PGM1: variants seen among roughly 807,000 people sequenced by gnomAD.
The protein encoded by PGM1 is phosphoglucomutase 1, also known as phosphoglucomutase-1.
In PGM1, 52 loss-of-function variants were observed where a neutral mutation model predicts 55.6. That is an observed-to-expected ratio of 0.94 (90% CI 0.75 to 1.18). PGM1 has a LOEUF of 1.18. Among genes scored for constraint, PGM1 ranks in the 50% most tolerant of loss-of-function variants. The pLI is 0.00. For synonymous variants in PGM1, 287 were observed against 271.7 expected (o/e 1.06, Z -0.55); for missense variants, 724 against 729.3 (o/e 0.99, Z 0.08).
At chr1:63,638,285 G>T (rs1364018895) in intron 6 of PGM1, among the ~76,000 whole-genome samples, 4 of 152,134 alleles carry the variant, frequency 2.6e-5, no homozygotes, top group Non-Finnish European at 5.9e-5. Flanking sequence ...AATGCTAACT[G>T]CCCAGACCCA....
At chr1:63,647,059 A>G (rs185633445) in intron 7 of PGM1, among the ~76,000 whole-genome samples, 104 of 151,894 alleles carry the variant, frequency 6.8e-4, no homozygotes, top group African/African-American at 2.4e-3. Context: ...CCTGGCCAAC[A>G]TGGCGAAACC....
rs369296392 is a variant in PGM1, at chr1:63,593,561, C to T, written c.73C>T (p.Arg25Trp). Residue 25 changes from arginine to tryptophan, a missense_variant, in exon 1 of 11, where the codon CGG (arginine) becomes TGG (tryptophan). Physicochemically the swap from Arg to Trp is moderately radical, Grantham distance 101. Coordinates refer to ENST00000371084, the MANE Select transcript of PGM1 (RefSeq NM_002633.3). The part of the protein sequence containing the change: ...QKPGTSGLRK[R>W]VKVFQSSANY... ...GCCGGGCACGAGCGGGCTGCGGAAG[C>T]GGGTGAAGGTGTTCCAGAGCAGCGC... 2.5e-6 allele frequency: 4 copies of T among 1,613,848 alleles called. No homozygotes were observed. The highest frequency in any genetic ancestry group is 3.4e-6 in the Non-Finnish European group (4 of 1,179,920).
chr1:63,657,017 G>T (rs181123629), intron 10 of PGM1, among the ~76,000 whole-genome samples: 1 of 152,136 alleles, frequency 6.6e-6, no homozygotes, highest in East Asian at 1.9e-4. Context: ...TGACAAGATT[G>T]ATAATGTTAG....
intron 1 of PGM1, chr1:63,623,195 G>A (rs1220606276): frequency 1.6e-6 from 2 of 1,277,614 alleles, no homozygotes; most frequent in Non-Finnish European, 2.0e-6. Flanking sequence ...GCTTGGTTAA[G>A]TGGGCAGAAG....
intron 10 of PGM1, among the ~76,000 whole-genome samples, chr1:63,659,166 A>G (rs566690723): frequency 4.6e-5 from 7 of 152,336 alleles, no homozygotes; most frequent in Admixed American, 2.0e-4. Flanking sequence ...AGTGTGGGAA[A>G]GAAATTGGAA....
At chr1:63,612,554 C>T (rs1036332583) in intron 1 of PGM1, among the ~76,000 whole-genome samples, 3 of 152,152 alleles carry the variant, frequency 2.0e-5, no homozygotes, top group Non-Finnish European at 2.9e-5. Flanking sequence ...CTTTTTCTCG[C>T]TTGCATTCAT....
At chr1:63,623,675 G>T (rs1648945961) in intron 1 of PGM1, 1 of 1,612,546 alleles carries the variant, frequency 6.2e-7, no homozygotes, top group African/African-American at 1.3e-5. Context: ...GATCGCCAGG[G>T]ATCATCACTG....
chr1:63,633,602 T>C (rs1021260746), intron 4 of PGM1, among the ~76,000 whole-genome samples: 2 of 152,174 alleles, frequency 1.3e-5, no homozygotes, highest in Admixed American at 6.5e-5. Flanking sequence ...TTGGTAGTTA[T>C]ATAAAATGTC....
At chr1:63,631,170 C>G (rs759906982) in intron 3 of PGM1, among the ~76,000 whole-genome samples, 17 of 152,022 alleles carry the variant, frequency 1.1e-4, no homozygotes, top group Non-Finnish European at 1.9e-4. Context: ...AAAAGTGATT[C>G]ATTAAAAAAT....
intron 3 of PGM1, 114 bp from the exon 4 acceptor site, chr1:63,631,543 T>C (rs1649193441): frequency 2.1e-6 from 2 of 958,436 alleles, no homozygotes; most frequent in Non-Finnish European, 3.4e-6. Flanking sequence ...AGCTGTTCAA[T>C]AATTGTCCTT....
At chr1:63,639,581 C>A (rs758180336) in intron 7 of PGM1, among the ~76,000 whole-genome samples, 10 of 152,000 alleles carry the variant, frequency 6.6e-5, no homozygotes, top group Non-Finnish European at 1.2e-4. Context: ...TATCAGTCTC[C>A]GGCCAGGTTA....
At chr1:63,601,806 G>A (rs1648251513) in intron 1 of PGM1, among the ~76,000 whole-genome samples, 1 of 152,170 alleles carries the variant, frequency 6.6e-6, no homozygotes, top group African/African-American at 2.4e-5. Flanking sequence ...TCAGCTGTTG[G>A]AAGTCCTCCT....
intron 1 of PGM1, among the ~76,000 whole-genome samples, chr1:63,622,104 A>C (rs904497435): frequency 6.6e-6 from 1 of 152,190 alleles, no homozygotes; most frequent in African/African-American, 2.4e-5. Flanking sequence ...AGCTCACTGC[A>C]ATCTCAGCCT....
At chr1:63,619,158 A>C (rs1220557367) in intron 1 of PGM1, among the ~76,000 whole-genome samples, 1 of 152,176 alleles carries the variant, frequency 6.6e-6, no homozygotes, top group Non-Finnish European at 1.5e-5. Context: ...GAGAGAAAAC[A>C]TGAGTGGTCC....
At chr1:63,616,057 G>A (rs941623956) in intron 1 of PGM1, among the ~76,000 whole-genome samples, 9 of 151,790 alleles carry the variant, frequency 5.9e-5, no homozygotes, top group African/African-American at 1.9e-4. Flanking sequence ...AAAATAAAGC[G>A]ATTCCTTAAC....
intron 3 of PGM1, 129 bp downstream of exon 3, chr1:63,630,217 G>T: frequency 1.0e-6 from 1 of 976,434 alleles, no homozygotes; most frequent in Non-Finnish European, 1.6e-6. Flanking sequence ...CTTTGCAAGT[G>T]TTAGTTAATT....
intron 10 of PGM1, among the ~76,000 whole-genome samples, chr1:63,657,016 T>A (rs1649986461): frequency 6.6e-6 from 1 of 152,196 alleles, no homozygotes; most frequent in Non-Finnish European, 1.5e-5. Flanking sequence ...GTGACAAGAT[T>A]GATAATGTTA....
intron 1 of PGM1, among the ~76,000 whole-genome samples, chr1:63,626,893 C>A (rs2269255): frequency 0.17 from 25,694 of 152,004 alleles, 2,641 homozygotes; most frequent in African/African-American, 0.29. Flanking sequence ...TGAGCCCCTG[C>A]CAACCACCAT....
At chr1:63,623,894 A>G in intron 1 of PGM1, 1 of 620,918 alleles carries the variant, frequency 1.6e-6, no homozygotes. Flanking sequence ...GTTTCATTGT[A>G]ACTTCAGTGA....
Sources: gnomAD v4.1 joint callset for allele counts (sites outside exome capture counted in the v4.1 genomes callset) on GRCh38, gnomAD v4.1.1 for gene constraint, MANE v1.5 for transcripts, NCBI Gene and HGNC (gene_info 2026-07-23, HGNC 2026-07-21) for gene names.